TENM4: variants seen among roughly 807,000 people sequenced by gnomAD.
TENM4 encodes the protein teneurin transmembrane protein 4.
TENM4 carries 82 observed loss-of-function variants against 243.3 expected under a neutral mutation model. The observed-to-expected ratio is 0.34, with a 90% confidence interval of 0.28 to 0.40. The LOEUF is 0.40. TENM4 is among the 10% of genes least tolerant of loss of function. The probability of loss-of-function intolerance (pLI) is 1.00; values close to 1 mark genes in which losing one functional copy is unlikely to be tolerated. For missense variants in TENM4, 3,138 were observed against 3,673.3 expected, an observed-to-expected ratio of 0.85 and a Z score of 3.77; for synonymous variants, 1,412 against 1,456.3, an observed-to-expected ratio of 0.97 and a Z score of 0.69.
In TENM4 at chr11:78,655,364, AAAAATAT is replaced by A. The variant is rs2135603659; in HGVS notation, c.*2687_*2693del. The A allele has an allele frequency of 6.6e-6, 1 of 152,184 alleles. No individual in the cohort carries two copies. Among genetic ancestry groups the A allele is most frequent in the East Asian group, 1.9e-4 (1 of 5,180 alleles). The allele number at this position is 152,184 out of a possible 1,614,324, so 9.4% of individuals were successfully genotyped here. On this transcript the variant is annotated 3_prime_UTR_variant, in exon 34 of 34. Transcript: ENST00000278550. ...CTGCTGTGGTGGTATGTAGCACAGG[AAAAATAT>A]AAGATCCTTTAAAGAAACAAACACT...
In TENM4 at chr11:78,863,032, G is replaced by A. The variant is rs1212242998; in HGVS notation, c.1185C>T (p.Asp395=). ...DTASSWPVPT[D]VSLYPSGGTG... ...TGCCCCCTGAGGGGTATAGGGAGAC[G>A]TCGGTTGGCACAGGCCAACTGCTGG... Residue 395 remains aspartate (D), a synonymous_variant, in exon 10 of 34, where the codon GAC becomes GAT. Coordinates refer to ENST00000278550, the MANE Select transcript of TENM4 (RefSeq NM_001098816.3). 7.8e-6 allele frequency: 12 copies of A among 1,535,544 alleles called. No homozygotes were observed. Among genetic ancestry groups the A allele is most frequent in the East Asian group, 2.5e-5 (1 of 40,576 alleles).
intron 4 of TENM4, among the ~76,000 whole-genome samples, chr11:79,088,985 C>T (rs1230536560): frequency 3.3e-5 from 5 of 152,200 alleles, no homozygotes; most frequent in Non-Finnish European, 7.3e-5. Flanking sequence ...CCCTGCCATC[C>T]TGCCTCTCCT....
At chr11:79,122,019 C>T (rs1222881379) in intron 4 of TENM4, among the ~76,000 whole-genome samples, 3 of 152,102 alleles carry the variant, frequency 2.0e-5, no homozygotes, top group African/African-American at 2.4e-5. Context: ...GTTTCCCCAC[C>T]GCTCAAGAAA....
intron 28 of TENM4, among the ~76,000 whole-genome samples, chr11:78,691,337 C>T (rs969391535): frequency 8.5e-5 from 13 of 152,168 alleles, no homozygotes; most frequent in African/African-American, 2.4e-4. Context: ...TAGAGAGGAC[C>T]GGCAGGGAAT....
intron 1 of TENM4, among the ~76,000 whole-genome samples, chr11:79,361,734 G>A (rs1209113528): frequency 2.0e-5 from 3 of 152,120 alleles, no homozygotes; most frequent in South Asian, 2.1e-4. Context: ...TATTTAAACT[G>A]TGTGTTATAG....
rs1859376992 is a variant in TENM4, at chr11:79,440,301, T to C, written c.-321+208A>G. On this transcript the variant is annotated intron_variant, in intron 1 of 33. Coordinates refer to ENST00000278550, the MANE Select transcript of TENM4 (RefSeq NM_001098816.3). This position sits in a 1 kb window ranked among gnomAD's most constrained non-coding sequence, Gnocchi z 4.7. ...TCCGGGGGCTGCGGCGGCTCCAGGC[T>C]CCAGAACAGCTTGCCTCTTCGGCCA... 6.6e-6 allele frequency among the ~76,000 whole-genome samples: 1 copy of C among 151,044 alleles called. No individual in the cohort carries two copies. The highest frequency in any genetic ancestry group is 2.4e-5 in the African/African-American group (1 of 41,104).
intron 1 of TENM4, among the ~76,000 whole-genome samples, chr11:79,311,291 C>T (rs1042611044): frequency 2.6e-5 from 4 of 152,184 alleles, no homozygotes; most frequent in Non-Finnish European, 5.9e-5. Context: ...CCTCTCTGAT[C>T]CTTGGTTTCT....
rs79403418 is a variant in TENM4 at position 79,182,437 on chromosome 11, A to G, written c.-163+33371T>C. On this transcript the variant is annotated intron_variant, in intron 3 of 33. Coordinates refer to ENST00000278550, the MANE Select transcript of TENM4 (RefSeq NM_001098816.3). ...AGACCTCATTCCCTTCACAAGAATT[A>G]ACTCGAAATGTAAAATGCAAAACTA... Among the ~76,000 whole-genome samples, 11 of 152,300 alleles carry G rather than the reference A, an allele frequency of 7.2e-5. No individual in the cohort carries two copies. In the East Asian group the frequency reaches 2.1e-3, roughly 29 times the overall value.
intron 7 of TENM4, among the ~76,000 whole-genome samples, chr11:78,899,387 G>A (rs886380514): frequency 1.3e-5 from 2 of 151,974 alleles, no homozygotes; most frequent in Non-Finnish European, 2.9e-5. Flanking sequence ...GTGCCCAGGA[G>A]TTCAAGACCA....
In TENM4 at chr11:79,067,713, G is replaced by A. The variant is rs567666131; in HGVS notation, c.223+2009C>T. 3.8e-4 allele frequency among the ~76,000 whole-genome samples: 57 copies of A among 151,350 alleles called. No individual in the cohort carries two copies. In the South Asian group the frequency reaches 8.0e-3, roughly 21 times the overall value. On this transcript the variant is annotated intron_variant, in intron 5 of 33. Coordinates refer to ENST00000278550, the MANE Select transcript of TENM4 (RefSeq NM_001098816.3). ...TTGAGCCAGTCAGCTCCTCTGATGT[G>A]TGAGTTTGGAAGATTTACTTCATCC...
chr11:78,923,213 G>A (rs563965265), intron 6 of TENM4, among the ~76,000 whole-genome samples: 2 of 152,112 alleles, frequency 1.3e-5, no homozygotes, highest in African/African-American at 4.8e-5. Flanking sequence ...GGTTTGATGG[G>A]CTGTCACTAT....
intron 9 of TENM4, among the ~76,000 whole-genome samples, chr11:78,879,255 G>A (rs953187055): frequency 9.1e-5 from 13 of 142,960 alleles, no homozygotes; most frequent in South Asian, 7.0e-4. Flanking sequence ...GGTGAGGAGC[G>A]CCTCTGCCTG....
At chr11:78,967,211 G>A (rs1203963352) in intron 6 of TENM4, among the ~76,000 whole-genome samples, 1 of 152,144 alleles carries the variant, frequency 6.6e-6, no homozygotes, top group East Asian at 1.9e-4. Context: ...TCTCCCTGCA[G>A]TATTTACTTG....
chr11:79,081,846 G>A (rs895673537), intron 4 of TENM4, among the ~76,000 whole-genome samples: 11 of 152,054 alleles, frequency 7.2e-5, no homozygotes, highest in African/African-American at 1.9e-4. Flanking sequence ...GACTCAGGCC[G>A]TCCCTCAACT....
intron 9 of TENM4, among the ~76,000 whole-genome samples, chr11:78,881,048 T>C (rs891744703): frequency 6.6e-6 from 1 of 152,212 alleles, no homozygotes; most frequent in Non-Finnish European, 1.5e-5. Flanking sequence ...GTGTTAATTT[T>C]CTGTATGTAC....
chr11:79,259,501 GCATCCATCCATC>G (rs148800752), intron 2 of TENM4, among the ~76,000 whole-genome samples: 4 of 148,236 alleles, frequency 2.7e-5, no homozygotes, highest in East Asian at 2.0e-4. Flanking sequence ...ATCTATCCAT[GCATCCATCCATC>G]CATCCATCCA....
chr11:78,881,354 T>C (rs1466533631), intron 9 of TENM4, among the ~76,000 whole-genome samples: 1 of 152,190 alleles, frequency 6.6e-6, no homozygotes, highest in Non-Finnish European at 1.5e-5. Flanking sequence ...TGACTTCTGG[T>C]TGGGTTCCAC....
chr11:79,411,932 T>C (rs866258936), intron 1 of TENM4, among the ~76,000 whole-genome samples: 1 of 152,222 alleles, frequency 6.6e-6, no homozygotes, highest in African/African-American at 2.4e-5. Context: ...CAAATGCTCA[T>C]CTTCAAGAGG....
At chr11:78,945,885 TGA>T (rs536120693) in intron 6 of TENM4, among the ~76,000 whole-genome samples, 4 of 152,166 alleles carry the variant, frequency 2.6e-5, no homozygotes, top group Non-Finnish European at 5.9e-5. Context: ...CTGTGAAGTC[TGA>T]GAGAGACAAG....
Sources: gnomAD v4.1 joint callset for allele counts (sites outside exome capture counted in the v4.1 genomes callset) on GRCh38, gnomAD v4.1.1 for gene constraint, Gnocchi (gnomAD v3.1) non-coding constraint, MANE v1.5 for transcripts, NCBI Gene and HGNC (gene_info 2026-07-23, HGNC 2026-07-21) for gene names.